Variants in ZNF461 observed in about 807,000 individuals in gnomAD.
The protein encoded by ZNF461 is zinc finger protein 461, also known as gonadotropin-inducible ovarian transcription factor-1.
Under a neutral mutation model 18.3 loss-of-function variants are expected in ZNF461, and 16 were observed. That is an observed-to-expected ratio of 0.88 (90% confidence interval 0.59 to 1.33). The LOEUF (loss-of-function observed/expected upper bound fraction) is 1.33, where lower values mean the gene tolerates loss of function less well. Among genes scored for constraint, ZNF461 ranks in the 40% most tolerant of loss-of-function variants. The pLI, the probability that ZNF461 is intolerant of heterozygous loss-of-function variation, is 0.00. For synonymous variants in ZNF461, 179 were observed against 216.9 expected (o/e 0.83, Z 1.54); for missense variants, 595 against 669.9 (o/e 0.89, Z 1.23).
chr19:36,652,535 A>T (rs1308382111), intron 4 of ZNF461, among the ~76,000 whole-genome samples: 1 of 151,824 alleles, frequency 6.6e-6, no homozygotes, highest in Non-Finnish European at 1.5e-5. Context: ...AAAATTTCTA[A>T]AAAAGAACAT....
In ZNF461 at chr19:36,664,758, G is replaced by A. The variant is rs560453928; in HGVS notation, c.-52C>T. On this transcript the variant is annotated 5_prime_UTR_variant, in exon 2 of 6. Coordinates refer to ENST00000588268, the MANE Select transcript of ZNF461 (RefSeq NM_153257.5). ...TTTAATCCTCTTCTTCGTTCCCTCT[G>A]GAAGAAACTCAATCCAAAGAAGGTG... 5.8e-6 allele frequency: 8 copies of A among 1,375,936 alleles called. No individual in the cohort carries two copies. The African/African-American group carries it at 6.0e-5, about 10-fold the overall frequency. 85.2% of individuals were successfully genotyped at this position (1,375,936 alleles called of 1,614,324 possible).
intron 4 of ZNF461, among the ~76,000 whole-genome samples, chr19:36,644,292 G>A (rs947745331): frequency 1.3e-5 from 2 of 151,664 alleles, no homozygotes; most frequent in African/African-American, 4.8e-5. Flanking sequence ...GTTTTGAGAT[G>A]GAGTCTCGCT....
intron 4 of ZNF461, among the ~76,000 whole-genome samples, chr19:36,644,169 G>A (rs1449125059): frequency 6.6e-6 from 1 of 152,134 alleles, no homozygotes; most frequent in African/African-American, 2.4e-5. Context: ...CTGACCTCAG[G>A]TGATCCGCCC....
At chr19:36,648,778 G>T (rs763132063) in intron 4 of ZNF461, among the ~76,000 whole-genome samples, 1 of 151,944 alleles carries the variant, frequency 6.6e-6, no homozygotes, top group South Asian at 2.1e-4. Flanking sequence ...ACGGGGTTTC[G>T]CCATGTTGGC....
At chr19:36,645,925 C>T (rs557032934) in intron 4 of ZNF461, among the ~76,000 whole-genome samples, 31 of 152,330 alleles carry the variant, frequency 2.0e-4, no homozygotes. Flanking sequence ...GCTGGGACTA[C>T]AGGCGTGAGC....
At chr19:36,665,101 G>A (rs1443911304) in intron 1 of ZNF461, among the ~76,000 whole-genome samples, 1 of 152,130 alleles carries the variant, frequency 6.6e-6, no homozygotes, top group African/African-American at 2.4e-5. Flanking sequence ...GAACTGCACT[G>A]GGTAGATTTT....
At chr19:36,658,256 G>A (rs368447092) in intron 3 of ZNF461, 43 bp downstream of exon 3, 35 of 1,562,734 alleles carry the variant, frequency 2.2e-5, no homozygotes, top group African/African-American at 6.8e-5. Context: ...AATTGTTAGC[G>A]GAATTCTGAA....
intron 4 of ZNF461, among the ~76,000 whole-genome samples, chr19:36,647,956 C>CA (rs1212232702): frequency 1.3e-5 from 2 of 151,862 alleles, no homozygotes; most frequent in Admixed American, 6.6e-5. Flanking sequence ...CCGAGGTGGA[C>CA]AGATTATCTG....
At chr19:36,643,428 T>C (rs1054079726) in intron 5 of ZNF461, 2 of 154,750 alleles carry the variant, frequency 1.3e-5, no homozygotes, top group African/African-American at 4.8e-5. Context: ...ATATTACAAA[T>C]AGTAGTAGTT....
chr19:36,641,555 A>T (rs995746816), intron 5 of ZNF461, among the ~76,000 whole-genome samples: 2 of 108,346 alleles, frequency 1.8e-5, no homozygotes, highest in African/African-American at 2.7e-5. Flanking sequence ...TATATATATA[A>T]TATATATATA....
At position 36,644,755 on chromosome 19, in the gene ZNF461, G is replaced by A. The variant is rs900453948; in HGVS notation, c.233-893C>T. Among the ~76,000 whole-genome samples, 11 of 150,014 alleles carry A rather than the reference G, an allele frequency of 7.3e-5. No individual in the cohort carries two copies. In the South Asian group the frequency reaches 1.5e-3, roughly 20 times the overall value. On this transcript the variant is annotated intron_variant, in intron 4 of 5. Coordinates refer to ENST00000588268, the MANE Select transcript of ZNF461 (RefSeq NM_153257.5). Reference sequence around the variant, plus strand: ...GATTACAGGCACATGCCACCACATCGGCTAATTTTTTTTGTATTTTTAGTA... The same window carrying A: ...GATTACAGGCACATGCCACCACATCAGCTAATTTTTTTTGTATTTTTAGTA...
Position 36,638,689 on chromosome 19 carries a change from A to C in ZNF461, c.1656T>G (p.Phe552Leu), listed in dbSNP as rs763442905. ...GACTAGGATGGGGAGGGAGGAGAGG[A>C]AACCTGACTGGCTTCTCGCCAGTAT... ...TLHTGEKPVR[F>L]PLLPPHPSLA... is the part of the protein sequence containing the mutation. Residue 552 changes from phenylalanine (F) to leucine (L), a missense_variant, in exon 6 of 6, where the codon TTT becomes TTG. Coordinates refer to ENST00000588268, the MANE Select transcript of ZNF461 (RefSeq NM_153257.5). 1.7e-5 allele frequency: 27 copies of C among 1,612,946 alleles called. No homozygotes were observed. Among genetic ancestry groups the C allele is most frequent in the Non-Finnish European group, 2.2e-5 (26 of 1,179,260 alleles).
chr19:36,659,680 A>G (rs1291584850), intron 2 of ZNF461, among the ~76,000 whole-genome samples: 1 of 152,206 alleles, frequency 6.6e-6, no homozygotes, highest in Non-Finnish European at 1.5e-5. Flanking sequence ...TTGTTTTGCA[A>G]TCACACCTGA....
At chr19:36,659,519 C>CA (rs1340257285) in intron 2 of ZNF461, among the ~76,000 whole-genome samples, 1 of 152,180 alleles carries the variant, frequency 6.6e-6, no homozygotes, top group Non-Finnish European at 1.5e-5. Flanking sequence ...GCAATCCTCC[C>CA]ACCTTGGCCT....
chr19:36,639,930 A>G lies in ZNF461; in HGVS notation c.415T>C (p.Ser139Pro). ...EEFKSHSPER[S>P]IFSAIWEGNC... ...CCTTCCCAGATAGCGCTGAAAATTG[A>G]TCTCTCAGGACTATGGCTTTTAAAT... Residue 139 changes from serine (S) to proline (P), a missense_variant, in exon 6 of 6, where the codon TCA (serine) becomes CCA (proline). Ser to Pro is a moderately conservative substitution (Grantham distance 74). Coordinates refer to ENST00000588268, the MANE Select transcript of ZNF461 (RefSeq NM_153257.5). 6.2e-7 allele frequency: 1 copy of G among 1,613,876 alleles called. No individual in the cohort carries two copies. The highest frequency in any genetic ancestry group is 1.1e-5 in the South Asian group (1 of 91,074).
At chr19:36,664,136 A>G (rs1172337730) in intron 2 of ZNF461, among the ~76,000 whole-genome samples, 1 of 152,226 alleles carries the variant, frequency 6.6e-6, no homozygotes, top group Non-Finnish European at 1.5e-5. Context: ...GTCTGTTAAA[A>G]GATTTCACGT....
At chr19:36,654,101 A>G (rs927498961) in intron 4 of ZNF461, among the ~76,000 whole-genome samples, 1 of 152,170 alleles carries the variant, frequency 6.6e-6, no homozygotes, top group Non-Finnish European at 1.5e-5. Flanking sequence ...ACTCCCCTGT[A>G]CATTTCTTTG....
intron 4 of ZNF461, among the ~76,000 whole-genome samples, chr19:36,647,824 T>C (rs2037555286): frequency 6.6e-6 from 1 of 152,090 alleles, no homozygotes; most frequent in South Asian, 2.1e-4. Context: ...TCATAAATGG[T>C]TTAGCACCAT....
intron 5 of ZNF461, among the ~76,000 whole-genome samples, chr19:36,641,732 A>G (rs2037428114): frequency 6.6e-6 from 1 of 151,962 alleles, no homozygotes; most frequent in Admixed American, 6.6e-5. Flanking sequence ...AATCATAATC[A>G]TTTAATGCCC....
Sources: allele counts gnomAD v4.1 joint callset (sites outside exome capture counted in the v4.1 genomes callset), GRCh38; gene constraint gnomAD v4.1.1; transcripts MANE v1.5; gene names NCBI Gene and HGNC (gene_info 2026-07-23, HGNC 2026-07-21).